The following SRD5A3 variants were observed in gnomAD, a reference collection of about 807,000 sequenced individuals.
SRD5A3 encodes the protein steroid 5 alpha-reductase 3, also known as polyprenal reductase.
In SRD5A3, 24 loss-of-function variants were observed where a neutral mutation model predicts 34.3. The ratio of observed to expected loss-of-function variants is 0.70; its 90% CI spans 0.51 to 0.99. The LOEUF (loss-of-function observed/expected upper bound fraction) is 0.99, where lower values mean the gene tolerates loss of function less well. SRD5A3 is among the 50% of genes least tolerant of loss of function. The pLI is 0.00. For synonymous variants in SRD5A3, 161 were observed against 167.3 expected, an observed-to-expected ratio of 0.96 and a Z score of 0.29; for missense variants, 350 against 388.2, an observed-to-expected ratio of 0.90 and a Z score of 0.83.
chr4:55,368,857 G>A (rs1720011925), intron 4 of SRD5A3, among the ~76,000 whole-genome samples: 1 of 152,018 alleles, frequency 6.6e-6, no homozygotes. Context: ...TCATGCCTCA[G>A]CCTCCCAAGT....
At chr4:55,367,320 GC>G (rs1205444195) in intron 3 of SRD5A3, among the ~76,000 whole-genome samples, 1 of 152,182 alleles carries the variant, frequency 6.6e-6, no homozygotes, top group Non-Finnish European at 1.5e-5. Context: ...GAATTCTCTT[GC>G]CAGGGGAACT....
chr4:55,350,006 C>T (rs553272367), intron 1 of SRD5A3, among the ~76,000 whole-genome samples: 77 of 152,184 alleles, frequency 5.1e-4, no homozygotes, highest in African/African-American at 1.8e-3. Context: ...CAAAATATTA[C>T]TGTTTTCCTT....
intron 4 of SRD5A3, 168 bp from the exon 5 acceptor site, chr4:55,369,664 G>T: frequency 1.4e-6 from 1 of 727,642 alleles, no homozygotes; most frequent in South Asian, 1.9e-5. Flanking sequence ...CTGGAAGGTT[G>T]AGACTACAGT....
At chr4:55,363,537 A>AT (rs59046022) in intron 2 of SRD5A3, among the ~76,000 whole-genome samples, 41,698 of 152,190 alleles carry the variant, frequency 0.27, 6,355 homozygotes, top group Middle Eastern at 0.4. Flanking sequence ...TTTTCTTCAG[A>AT]TTTTTTGGTG....
intron 1 of SRD5A3, chr4:55,351,889 C>A: frequency 1.6e-6 from 1 of 643,162 alleles, no homozygotes; most frequent in Non-Finnish European, 3.0e-6. Flanking sequence ...ATGACAGGAA[C>A]TCCAGGAATC....
chr4:55,363,268 A>G (rs1484019157), intron 2 of SRD5A3, among the ~76,000 whole-genome samples: 1 of 151,884 alleles, frequency 6.6e-6, no homozygotes, highest in Admixed American at 6.6e-5. Flanking sequence ...CTGGGCAACA[A>G]AAAAAATTTT....
In SRD5A3 at chr4:55,367,648, T is replaced by C. The variant is rs762795851; in HGVS notation, c.623T>C (p.Met208Thr). ...CGGTGGTTCCATATTCTTGGGATGATGATGTTCATCTGGTCATCTGCCCAT... is the reference window on the plus strand; with the variant it reads ...CGGTGGTTCCATATTCTTGGGATGACGATGTTCATCTGGTCATCTGCCCAT... ...QARWFHILGM[M>T]MFIWSSAHQY... Residue 208 changes from methionine to threonine, a missense_variant, in exon 4 of 5, where the codon ATG (methionine) becomes ACG (threonine). Physicochemically the swap from Met to Thr is moderately conservative, Grantham distance 81. This residue lies in a region of SRD5A3 where 186 missense variants were observed against 221.4 expected (regional missense o/e 0.84). Coordinates refer to ENST00000264228, the MANE Select transcript of SRD5A3 (RefSeq NM_024592.5). The C allele has an allele frequency of 6.2e-7, 1 of 1,614,182 alleles. No homozygotes were observed. The highest frequency in any genetic ancestry group is 8.5e-7 in the Non-Finnish European group (1 of 1,180,022).
Position 55,346,285 on chromosome 4 carries a change from G to C in SRD5A3, c.-52G>C, listed in dbSNP as rs998764570. The C allele has an allele frequency of 2.2e-6, 3 of 1,347,594 alleles. No individual in the cohort carries two copies. Among genetic ancestry groups the C allele is most frequent in the African/African-American group, 3.1e-5 (2 of 64,742 alleles). 83.5% of individuals were successfully genotyped at this position (1,347,594 alleles called of 1,614,324 possible). A position where few individuals can be genotyped will look rare whatever the true frequency, so the allele number is the denominator to read the frequency against. ...CGCGCGCTAGTGGCCGCTCTTCCGC[G>C]GGCTAGCGGGCGGTGGGGGCGCCAG... On this transcript the variant is annotated 5_prime_UTR_variant, in exon 1 of 5. Coordinates refer to ENST00000264228, the MANE Select transcript of SRD5A3 (RefSeq NM_024592.5).
Position 55,369,730 on chromosome 4 carries a change from CAA to C in SRD5A3, c.698-86_698-85del, listed in dbSNP as rs3034884. 321,920 of 1,244,682 alleles carry C rather than the reference CAA, an allele frequency of 0.26. 9,826 individuals carry two copies. Among genetic ancestry groups the C allele is most frequent in the South Asian group, 0.32 (23,378 of 73,244 alleles). 77.1% of individuals were successfully genotyped at this position (1,244,682 alleles called of 1,614,324 possible). ...TGGACAACAGAGCAAGACTTTGCCT[CAA>C]AAAAAAAAAAAAAAATTCTGTAAAT... is the stretch of plus-strand genomic sequence containing the variant. On this transcript the variant is annotated intron_variant, in intron 4 of 4. Transcript: ENST00000264228.
chr4:55,347,350 C>T (rs1175036554), intron 1 of SRD5A3, among the ~76,000 whole-genome samples: 2 of 152,246 alleles, frequency 1.3e-5, no homozygotes, highest in African/African-American at 4.8e-5. Flanking sequence ...CATCTTAGGC[C>T]GGGCGCAGTG....
rs986400473 is a variant in SRD5A3, at chr4:55,346,309, A to G, written c.-28A>G. 21 of 1,390,240 alleles carry G rather than the reference A, an allele frequency of 1.5e-5. No individual in the cohort carries two copies. The highest frequency in any genetic ancestry group is 5.0e-5 in the South Asian group (3 of 59,614). 86.1% of individuals were successfully genotyped at this position (1,390,240 alleles called of 1,614,324 possible). ...CGGGCTAGCGGGCGGTGGGGGCGCC[A>G]GCAGCGCGGAAGGCGGGCACGCGGG... On this transcript the variant is annotated 5_prime_UTR_variant, in exon 1 of 5. Coordinates refer to ENST00000264228, the MANE Select transcript of SRD5A3 (RefSeq NM_024592.5).
chr4:55,352,356 C>T (rs955151819), intron 1 of SRD5A3: 1 of 789,982 alleles, frequency 1.3e-6, no homozygotes, highest in Non-Finnish European at 2.3e-6. Context: ...ATCCCTGAGA[C>T]TAAGCATTCA....
At position 55,367,711 on chromosome 4, in the gene SRD5A3, A is replaced by C; in HGVS notation, c.686A>C (p.Lys229Thr). 3 of 1,614,164 alleles carry C rather than the reference A, an allele frequency of 1.9e-6. No homozygotes were observed. The highest frequency in any genetic ancestry group is 2.5e-6 in the Non-Finnish European group (3 of 1,180,028). The change falls in exon 4 of 5, where the codon AAA (lysine) becomes ACA (threonine). Residue 229 changes from lysine (K) to threonine (T), a missense_variant. Lys to Thr is a moderately conservative substitution (Grantham distance 78). Transcript: ENST00000264228. ...CATGTTATTCTCGGCAATCTCAGGA[A>C]AAATAAAGCAGGTGAGACCTCTTTT... is the stretch of plus-strand genomic sequence containing the variant. ...KCHVILGNLRKNKAGVVIHCN... is the reference protein window; with the variant it reads ...KCHVILGNLRTNKAGVVIHCN...
chr4:55,351,911 T>C, intron 1 of SRD5A3: 3 of 679,652 alleles, frequency 4.4e-6, no homozygotes, highest in Non-Finnish European at 8.4e-6. Context: ...TAGGGATTCT[T>C]CTTTTAAGGT....
At chr4:55,360,573 T>G (rs1342923376) in intron 2 of SRD5A3, among the ~76,000 whole-genome samples, 5 of 152,094 alleles carry the variant, frequency 3.3e-5, no homozygotes, top group Non-Finnish European at 7.4e-5. Context: ...GGAAAAAAAG[T>G]TATGCTGTGA....
Position 55,359,400 on chromosome 4 carries a change from G to A in SRD5A3, c.276G>A (p.Trp92Ter). 6.2e-7 allele frequency: 1 copy of A among 1,613,506 alleles called. No individual in the cohort carries two copies. Among genetic ancestry groups the A allele is most frequent in the Non-Finnish European group, 8.5e-7 (1 of 1,179,938 alleles). The change falls in exon 2 of 5, where the codon TGG (tryptophan) becomes TGA (stop). Residue 92 changes from tryptophan to a stop codon, truncating the protein, a stop_gained. Coordinates refer to ENST00000264228, the MANE Select transcript of SRD5A3 (RefSeq NM_024592.5). LOFTEE classifies it high-confidence loss of function. ...TGCTGTGGAATGGCTTCCTGCTTTG[G>A]TGCCTTACTCAATCTCTGTTCCTGG... ...ISVLWNGFLL[W>*]CLTQSLFLGA... is the part of the protein sequence containing the mutation.
chr4:55,366,276 CTG>C (rs1282645549), intron 3 of SRD5A3, among the ~76,000 whole-genome samples: 1 of 152,178 alleles, frequency 6.6e-6, no homozygotes, highest in African/African-American at 2.4e-5. Context: ...CTTCCAGACA[CTG>C]TAACTTTTCA....
At chr4:55,356,521 G>A (rs964331919) in intron 1 of SRD5A3, among the ~76,000 whole-genome samples, 2 of 152,032 alleles carry the variant, frequency 1.3e-5, no homozygotes, top group African/African-American at 4.8e-5. Context: ...ATCTCGCTTT[G>A]TCACCCAGGC....
rs1719791453 is a variant in SRD5A3 at position 55,364,208 on chromosome 4, C to G, written c.499C>G (p.Leu167Val). The G allele has an allele frequency of 1.9e-6, 3 of 1,613,996 alleles. No homozygotes were observed. The highest frequency in any genetic ancestry group is 2.2e-5 in the East Asian group (1 of 44,876). The change falls in exon 3 of 5, where the codon CTT becomes GTT. Residue 167 changes from leucine to valine, a missense_variant. By Grantham distance (32) the Leu-to-Val change is conservative (BLOSUM62 1). Around this residue, in one of 3 missense-constraint regions of SRD5A3, gnomAD observed 186 missense variants for 221.4 expected, o/e 0.84. Transcript: ENST00000264228. Reference protein sequence around the residue: ...MIHVVQYCFGLVYYVLVGLTV... With the variant: ...MIHVVQYCFGVVYYVLVGLTV... ...TCACGTCGTGCAGTACTGTTTTGGA[C>G]TTGTCTATTATGTCCTTGTTGGCCT...
Sources: allele counts gnomAD v4.1 joint callset (sites outside exome capture counted in the v4.1 genomes callset), GRCh38; gene constraint gnomAD v4.1.1; regional missense constraint gnomAD v4.1.1; transcripts MANE v1.5; gene names NCBI Gene and HGNC (gene_info 2026-07-23, HGNC 2026-07-21).